USP44: variants seen among roughly 807,000 people sequenced by gnomAD.
The protein encoded by USP44 is ubiquitin carboxyl-terminal hydrolase 44.
USP44 carries 61 observed loss-of-function variants against 69.0 expected under a neutral mutation model. The ratio of observed to expected loss-of-function variants is 0.88; its 90% CI spans 0.72 to 1.09. The LOEUF is 1.09. Ranked by LOEUF, USP44 falls within the 50% of genes least tolerant of loss-of-function variation. The pLI is 0.00. For missense variants in USP44, 753 were observed against 849.9 expected, an observed-to-expected ratio of 0.89 and a Z score of 1.42; for synonymous variants, 297 against 295.4, an observed-to-expected ratio of 1.01 and a Z score of -0.06.
At position 95,528,891 on chromosome 12, in the gene USP44, G is replaced by T. The variant is rs1398372217; in HGVS notation, c.1540C>A (p.Pro514Thr). ...GCCAACATTTCAGTAACCAGACATG[G>T]CTGGGAAGCAATATCTTTTCCACTG... ...QCSGKDIASQ[P>T]CLVTEMLAKF... The change falls in exon 3 of 6, where the codon CCA (proline) becomes ACA (threonine). Residue 514 changes from proline (P) to threonine (T), a missense_variant. By Grantham distance (38) the Pro-to-Thr change is conservative. Coordinates refer to ENST00000258499, the MANE Select transcript of USP44 (RefSeq NM_032147.5). 6.2e-7 allele frequency: 1 copy of T among 1,613,872 alleles called. No homozygotes were observed. Among genetic ancestry groups the T allele is most frequent in the Non-Finnish European group, 8.5e-7 (1 of 1,179,988 alleles).
intron 4 of USP44, 48 bp from the exon 5 acceptor site, chr12:95,521,250 A>T (rs1474369158): frequency 6.4e-7 from 1 of 1,569,100 alleles, no homozygotes; most frequent in African/African-American, 1.4e-5. Flanking sequence ...AGGGAAAATA[A>T]CCACGTACTA....
rs564508849 is a variant in USP44 at position 95,533,477 on chromosome 12, G to A, written c.780C>T (p.Ser260=). Residue 260 remains serine (S), a synonymous_variant, in exon 2 of 6, where the codon TCC becomes TCT. Coordinates refer to ENST00000258499, the MANE Select transcript of USP44 (RefSeq NM_032147.5). ...TTACTATTGGCCTTCGTTTAACTGAGGAGTCACTGACTTTTTGAGATATTT... is the reference window on the plus strand; with the variant it reads ...TTACTATTGGCCTTCGTTTAACTGAAGAGTCACTGACTTTTTGAGATATTT... ...ENEISQKVSD[S]SVKRRPIVTP... The A allele has an allele frequency of 1.2e-6, 2 of 1,614,172 alleles. No homozygotes were observed. The highest frequency in any genetic ancestry group is 1.7e-5 in the Admixed American group (1 of 60,024).
Position 95,527,402 on chromosome 12 carries a change from G to A in USP44, c.1624+1405C>T, listed in dbSNP as rs372169197. Among the ~76,000 whole-genome samples the A allele has an allele frequency of 9.8e-4, 148 of 151,704 alleles. 1 individual carries two copies. In the South Asian group the frequency reaches 0.029, roughly 29 times the overall value. On this transcript the variant is annotated intron_variant, in intron 3 of 5. Coordinates refer to ENST00000258499, the MANE Select transcript of USP44 (RefSeq NM_032147.5). ...GAGCCACTGTGCCCAGCCCACACTC[G>A]ATCATTATTATGCCTTTGCATCCTC...
intron 5 of USP44, 58 bp downstream of exon 5, chr12:95,520,939 A>G: frequency 6.6e-7 from 1 of 1,523,452 alleles, no homozygotes; most frequent in Non-Finnish European, 9.1e-7. Flanking sequence ...AATCGGTTAA[A>G]GCCTGAACTC....
chr12:95,547,445 A>G (rs942942613), intron 1 of USP44, among the ~76,000 whole-genome samples: 1 of 152,240 alleles, frequency 6.6e-6, no homozygotes, highest in African/African-American at 2.4e-5. Flanking sequence ...GGACAAAACG[A>G]TTAGAGTTCC....
At chr12:95,538,395 C>T (rs572172835) in intron 1 of USP44, among the ~76,000 whole-genome samples, 1 of 151,928 alleles carries the variant, frequency 6.6e-6, no homozygotes, top group Non-Finnish European at 1.5e-5. Context: ...ATTATAAATG[C>T]TAGTTTCCTT....
chr12:95,535,604 A>G (rs1399913772), intron 1 of USP44, among the ~76,000 whole-genome samples: 1 of 152,210 alleles, frequency 6.6e-6, no homozygotes, highest in African/African-American at 2.4e-5. Context: ...TTTTTAAAAA[A>G]GCTTATGTGA....
intron 2 of USP44, among the ~76,000 whole-genome samples, chr12:95,529,776 A>T (rs1432763249): frequency 6.6e-6 from 1 of 151,958 alleles, no homozygotes; most frequent in Non-Finnish European, 1.5e-5. Flanking sequence ...TAACCTCTTA[A>T]CCCAATCCAA....
rs56348745 is a variant in USP44 at position 95,520,007 on chromosome 12, C to CAAAAAAA, written c.1939+983_1939+989dup. 8.4e-4 allele frequency among the ~76,000 whole-genome samples: 29 copies of CAAAAAAA among 34,522 alleles called. 3 individuals are homozygous for CAAAAAAA. The highest frequency in any genetic ancestry group is 2.0e-3 in the African/African-American group (18 of 9,216). The allele number at this position is 34,522 out of a possible 152,430, so 22.6% of individuals were successfully genotyped here. A position where few individuals can be genotyped will look rare whatever the true frequency, so the allele number is the denominator to read the frequency against. ...CAGGGGAAAGAGTGAGACTCTGTCT[C>CAAAAAAA]AAAAAAAAAAAAAAAAAAAAAAAAA... On this transcript the variant is annotated intron_variant, in intron 5 of 5. Coordinates refer to ENST00000258499, the MANE Select transcript of USP44 (RefSeq NM_032147.5).
chr12:95,534,824 C>T (rs1592716578), intron 1 of USP44, among the ~76,000 whole-genome samples: 1 of 151,978 alleles, frequency 6.6e-6, no homozygotes, highest in Non-Finnish European at 1.5e-5. Context: ...TATAGGAGTG[C>T]ACCACCACAT....
At chr12:95,534,392 T>C (rs1445030721) in intron 1 of USP44, 66 bp from the exon 2 acceptor site, 3 of 873,312 alleles carry the variant, frequency 3.4e-6, no homozygotes, top group African/African-American at 1.7e-5. Flanking sequence ...TTCCCAAGAA[T>C]AATAAAGATT....
At position 95,521,234 on chromosome 12, in the gene USP44, CAATT is replaced by C. The variant is rs763912871; in HGVS notation, c.1734-36_1734-33del. 4.8e-5 allele frequency: 77 copies of C among 1,610,070 alleles called. No homozygotes were observed. In the African/African-American group the frequency reaches 9.5e-4, roughly 20 times the overall value. On this transcript the variant is annotated intron_variant, in intron 4 of 5. Transcript: ENST00000258499. ...ACAAACCAGTGTAAAATTATCCACA[CAATT>C]AAGGGAAAATAACCACGTACTAGGT...
intron 2 of USP44, among the ~76,000 whole-genome samples, chr12:95,531,227 A>C (rs923188631): frequency 1.3e-5 from 2 of 152,160 alleles, no homozygotes; most frequent in African/African-American, 4.8e-5. Context: ...ATACCAAAAA[A>C]AACACACAAA....
At chr12:95,545,966 G>A (rs2077557633) in intron 1 of USP44, among the ~76,000 whole-genome samples, 2 of 152,038 alleles carry the variant, frequency 1.3e-5, no homozygotes, top group Non-Finnish European at 2.9e-5. Context: ...TTTCCCTTGG[G>A]CCTTCCTCAT....
intron 1 of USP44, chr12:95,535,507 G>GA (rs2077170505): frequency 6.6e-6 from 1 of 151,926 alleles, no homozygotes; most frequent in Non-Finnish European, 1.5e-5. Context: ...GAAATAAAGA[G>GA]AAAAAAAGGA....
Position 95,518,012 on chromosome 12 carries a change from G to GT in USP44, c.*141dup. 2 of 871,174 alleles carry GT rather than the reference G, an allele frequency of 2.3e-6. No homozygotes were observed. The highest frequency in any genetic ancestry group is 3.3e-6 in the Non-Finnish European group (2 of 598,132). The allele number at this position is 871,174 out of a possible 1,614,324, so 54.0% of individuals were successfully genotyped here. The stretch of plus-strand genomic sequence containing the variant: ...CAGTTGATATATACATTTATACTTT[G>GT]TAAAAAAAAAAATTGTTAGATATAA... On this transcript the variant is annotated 3_prime_UTR_variant, in exon 6 of 6. Coordinates refer to ENST00000258499, the MANE Select transcript of USP44 (RefSeq NM_032147.5).
chr12:95,536,032 T>C (rs1299332377), intron 1 of USP44, among the ~76,000 whole-genome samples: 2 of 126,390 alleles, frequency 1.6e-5, no homozygotes, highest in Non-Finnish European at 3.7e-5. Context: ...TTCTTTCCTT[T>C]TTTTTCCTTT....
chr12:95,520,908 T>C, intron 5 of USP44, 89 bp downstream of exon 5: 3 of 1,230,290 alleles, frequency 2.4e-6, no homozygotes, highest in Non-Finnish European at 2.3e-6. Flanking sequence ...GCTTTGTTTA[T>C]GATTTAGTAG....
chr12:95,535,207 T>C (rs891500063), intron 1 of USP44, among the ~76,000 whole-genome samples: 24 of 152,222 alleles, frequency 1.6e-4, no homozygotes, highest in Admixed American at 1.0e-3. Flanking sequence ...GGGAAAATCA[T>C]ACCAACTTCA....
Sources: allele counts gnomAD v4.1 joint callset (sites outside exome capture counted in the v4.1 genomes callset), GRCh38; gene constraint gnomAD v4.1.1; transcripts MANE v1.5; gene names NCBI Gene and HGNC (gene_info 2026-07-23, HGNC 2026-07-21).